The following SEMA5B variants were observed in gnomAD, a reference collection of about 807,000 sequenced individuals.
SEMA5B encodes the protein semaphorin-5B.
A neutral mutation model predicts 135.0 loss-of-function variants in SEMA5B; 66 were observed. The ratio of observed to expected loss-of-function variants is 0.49; its 90% CI spans 0.40 to 0.60. The LOEUF (loss-of-function observed/expected upper bound fraction) is 0.60, where lower values mean the gene tolerates loss of function less well. Ranked by LOEUF, SEMA5B falls within the 20% of genes least tolerant of loss-of-function variation. The pLI is 0.00. For synonymous variants in SEMA5B, 690 were observed against 639.5 expected (o/e 1.08, Z -1.19); for missense variants, 1,501 against 1,566.3 (o/e 0.96, Z 0.70).
chr3:122,910,168 C>T lies in SEMA5B; in HGVS notation c.3431G>A (p.Gly1144Glu), dbSNP rs367543516. The stretch of plus-strand genomic sequence containing the variant: ...TCAGCTGTTGGGGAAGCACCGTTGT[C>T]CAGGTGAGGCCTCGGGCCGGAAGCT... Reference protein sequence around the residue: ...KHSFRPEASPGQRCFPNS With the variant: ...KHSFRPEASPEQRCFPNS The change falls in exon 23 of 23, where the codon GGA becomes GAA. Residue 1144 changes from glycine (G) to glutamate (E), a missense_variant. Gly to Glu is a moderately conservative substitution (Grantham distance 98, BLOSUM62 -2). Around this residue, in one of 2 missense-constraint regions of SEMA5B, gnomAD observed 927 missense variants for 881.6 expected, o/e 1.05. Transcript: ENST00000357599. 9.3e-6 allele frequency: 15 copies of T among 1,614,042 alleles called. No homozygotes were observed. The highest frequency in any genetic ancestry group is 1.3e-5 in the Non-Finnish European group (15 of 1,180,014).
At chr3:122,913,107 A>G in intron 17 of SEMA5B, 46 bp from the exon 18 acceptor site, 1 of 1,418,558 alleles carries the variant, frequency 7.0e-7, no homozygotes, top group Non-Finnish European at 9.2e-7. Context: ...GGCCACCCCG[A>G]CCCCGGCCTG....
rs201282968 is a variant in SEMA5B at position 122,913,022 on chromosome 3, G to C, written c.2546C>G (p.Pro849Arg). Residue 849 changes from proline (P) to arginine (R), a missense_variant, in exon 18 of 23, where the codon CCG becomes CGG. This residue lies in a region of SEMA5B where 927 missense variants were observed against 881.6 expected (regional missense o/e 1.05). Coordinates refer to ENST00000357599, the MANE Select transcript of SEMA5B (RefSeq NM_001031702.4). ...EVLLRSGSTS[P>R]HTVSGGWAAW... ...GGCCCAGCCCCCGCTCACCGTGTGC[G>C]GGGAGGTGCTCCCGCTGCGCAGGAG... is the stretch of plus-strand genomic sequence containing the variant. The C allele has an allele frequency of 2.1e-4, 335 of 1,590,254 alleles. No homozygotes were observed. The highest frequency in any genetic ancestry group is 2.7e-4 in the Non-Finnish European group (316 of 1,168,784).
chr3:122,966,420 C>T (rs1940821392), intron 1 of SEMA5B, among the ~76,000 whole-genome samples: 1 of 152,168 alleles, frequency 6.6e-6, no homozygotes, highest in South Asian at 2.1e-4. Flanking sequence ...TGAAATTGTA[C>T]TATCAGACAT....
At chr3:122,977,652 T>C (rs968850323) in intron 1 of SEMA5B, among the ~76,000 whole-genome samples, 1 of 152,176 alleles carries the variant, frequency 6.6e-6, no homozygotes, top group Non-Finnish European at 1.5e-5. Context: ...TCCAGAATAA[T>C]GTCTGACCAA....
At chr3:122,981,319 A>G (rs1472123945) in intron 1 of SEMA5B, among the ~76,000 whole-genome samples, 1 of 152,184 alleles carries the variant, frequency 6.6e-6, no homozygotes, top group African/African-American at 2.4e-5. Flanking sequence ...ATGCTGAGGT[A>G]GGGGACTGGG....
chr3:123,007,463 C>A (rs964249552), intron 1 of SEMA5B, among the ~76,000 whole-genome samples: 2 of 152,128 alleles, frequency 1.3e-5, no homozygotes, highest in African/African-American at 2.4e-5. Flanking sequence ...CTGAACAACC[C>A]CTTCAAATCT....
chr3:123,003,329 G>T (rs1481372271), intron 1 of SEMA5B, among the ~76,000 whole-genome samples: 1 of 152,084 alleles, frequency 6.6e-6, no homozygotes, highest in Non-Finnish European at 1.5e-5. Context: ...CATCCACTCA[G>T]TATTTACCAT....
chr3:122,980,700 T>C (rs948087395), intron 1 of SEMA5B, among the ~76,000 whole-genome samples: 1 of 152,198 alleles, frequency 6.6e-6, no homozygotes, highest in Non-Finnish European at 1.5e-5. Flanking sequence ...AATCTTTCAG[T>C]GTCCAGTTCA....
intron 1 of SEMA5B, among the ~76,000 whole-genome samples, chr3:122,986,643 T>C (rs1029492675): frequency 1.3e-5 from 2 of 151,090 alleles, no homozygotes; most frequent in Non-Finnish European, 3.0e-5. Flanking sequence ...AGTGTGCTGG[T>C]CTTCCCTCTA....
At position 122,912,314 on chromosome 3, in the gene SEMA5B, T is replaced by A; in HGVS notation, c.2754A>T (p.Ser918=). ...PVRGAWSCWT[S]WSPCSASCGG... is the part of the protein sequence containing the mutation. Reference sequence around the variant, plus strand: ...CACAGGAAGCTGAGCATGGAGACCATGAGGTCCAGCAGGACCAAGCACCCC... The same window carrying A: ...CACAGGAAGCTGAGCATGGAGACCAAGAGGTCCAGCAGGACCAAGCACCCC... The change falls in exon 19 of 23, where the codon TCA becomes TCT. Residue 918 remains serine, a synonymous_variant. Transcript: ENST00000357599. 6.2e-7 allele frequency: 1 copy of A among 1,608,970 alleles called. No individual in the cohort carries two copies. Among genetic ancestry groups the A allele is most frequent in the Non-Finnish European group, 8.5e-7 (1 of 1,177,686 alleles).
At chr3:122,923,560 G>C in intron 10 of SEMA5B, 57 bp downstream of exon 10, 1 of 1,598,948 alleles carries the variant, frequency 6.3e-7, no homozygotes, top group East Asian at 2.2e-5. Context: ...GCTTGTGGCT[G>C]GTAATCTGGG....
Position 123,023,085 on chromosome 3 carries a change from G to C in SEMA5B, c.-39+4379C>G, listed in dbSNP as rs573974023. ...AGAGAGGGGGGTTTGCAAAAGTATA[G>C]CACGATGCCAGTGAAAAATCCAGGT... On this transcript the variant is annotated intron_variant, in intron 1 of 22. Coordinates refer to ENST00000357599, the MANE Select transcript of SEMA5B (RefSeq NM_001031702.4). 2.9e-4 allele frequency among the ~76,000 whole-genome samples: 44 copies of C among 152,238 alleles called. No individual in the cohort carries two copies. The South Asian group carries it at 7.5e-3, about 26-fold the overall frequency.
intron 21 of SEMA5B, chr3:122,911,285 TC>T: frequency 1.4e-6 from 2 of 1,424,198 alleles, no homozygotes; most frequent in South Asian, 1.4e-5. Flanking sequence ...AGATGACTCT[TC>T]CTTGGGTACA....
chr3:122,954,907 C>T (rs1940215411), intron 2 of SEMA5B, among the ~76,000 whole-genome samples: 1 of 151,644 alleles, frequency 6.6e-6, no homozygotes. Flanking sequence ...ATCCTCCCTC[C>T]TCAGCCTCCA....
intron 3 of SEMA5B, among the ~76,000 whole-genome samples, chr3:122,945,067 C>A (rs1268834292): frequency 6.6e-6 from 1 of 152,064 alleles, no homozygotes; most frequent in African/African-American, 2.4e-5. Flanking sequence ...GCTCATTATC[C>A]CTCCACTACA....
At chr3:122,954,218 G>A (rs955018650) in intron 2 of SEMA5B, among the ~76,000 whole-genome samples, 4 of 152,154 alleles carry the variant, frequency 2.6e-5, no homozygotes, top group Non-Finnish European at 4.4e-5. Context: ...TGTGCCCACC[G>A]TGGGGCAGTT....
At chr3:122,938,405 C>T (rs1939398423) in intron 5 of SEMA5B, among the ~76,000 whole-genome samples, 1 of 152,186 alleles carries the variant, frequency 6.6e-6, no homozygotes, top group African/African-American at 2.4e-5. Context: ...CACAGATTTT[C>T]TGCTTCCTTA....
chr3:122,924,559 C>T (rs1408251987), intron 9 of SEMA5B, among the ~76,000 whole-genome samples: 1 of 152,210 alleles, frequency 6.6e-6, no homozygotes, highest in Non-Finnish European at 1.5e-5. Context: ...TCAAACCTGT[C>T]AATAATTTCT....
intron 1 of SEMA5B, among the ~76,000 whole-genome samples, chr3:122,964,829 G>A (rs539116119): frequency 6.6e-6 from 1 of 152,282 alleles, no homozygotes; most frequent in South Asian, 2.1e-4. Flanking sequence ...TGCCACTCAG[G>A]GTGACAGAGC....
Sources: allele counts gnomAD v4.1 joint callset (sites outside exome capture counted in the v4.1 genomes callset), GRCh38; gene constraint gnomAD v4.1.1; regional missense constraint gnomAD v4.1.1; transcripts MANE v1.5; gene names NCBI Gene and HGNC (gene_info 2026-07-23, HGNC 2026-07-21).